MRFAP1: variants seen among roughly 807,000 people sequenced by gnomAD.
The protein encoded by MRFAP1 is MORF4 family-associated protein 1.
MRFAP1 carries 1 observed loss-of-function variant against 9.3 expected under a neutral mutation model. The observed-to-expected ratio is 0.11, with a 90% confidence interval of 0.04 to 0.51. MRFAP1 has a LOEUF of 0.51. Ranked by LOEUF, MRFAP1 falls within the 20% of genes least tolerant of loss-of-function variation. The pLI is 0.94. For missense variants in MRFAP1, 180 were observed against 178.6 expected (o/e 1.01, Z -0.04); for synonymous variants, 101 against 80.3 (o/e 1.26, Z -1.38).
At position 6,640,715 on chromosome 4, in the gene MRFAP1, C is replaced by G. The variant is rs545715180; in HGVS notation, c.-148C>G. On this transcript the variant is annotated 5_prime_UTR_variant, in exon 1 of 2. Transcript: ENST00000382581. ...GTTCGCCGTTACTCTGCGCGTAAGT[C>G]GCTTGTCCGTGGCTTCTCTGAGAAG... The G allele has an allele frequency of 9.7e-5, 101 of 1,043,742 alleles. No homozygotes were observed. Among genetic ancestry groups the G allele is most frequent in the African/African-American group, 5.7e-4 (36 of 62,732 alleles). The allele number at this position is 1,043,742 out of a possible 1,614,324, so 64.7% of individuals were successfully genotyped here.
At position 6,641,724 on chromosome 4, in the gene MRFAP1, CT is replaced by C. The variant is rs910451379; in HGVS notation, c.*13-3del. On this transcript the variant is annotated splice_polypyrimidine_tract_variant and splice_region_variant and intron_variant, in intron 1 of 1. Transcript: ENST00000382581. The stretch of plus-strand genomic sequence containing the variant: ...CGATGATGAATTTCTTCCCATTGTG[CT>C]TTAGGTTTCCAGCCAATGGATTCTG... The C allele has an allele frequency of 1.2e-4, 18 of 154,754 alleles. No homozygotes were observed. The highest frequency in any genetic ancestry group is 9.8e-4 in the Admixed American group (15 of 15,348). The allele number at this position is 154,754 out of a possible 1,614,324, so 9.6% of individuals were successfully genotyped here.
At chr4:6,641,471 T>C in intron 1 of MRFAP1, 1 of 569,784 alleles carries the variant, frequency 1.8e-6, no homozygotes, top group Non-Finnish European at 3.0e-6. Flanking sequence ...GCGTGATGCG[T>C]GTTCAGTGGA....
At position 6,640,792 on chromosome 4, in the gene MRFAP1, T is replaced by C; in HGVS notation, c.-71T>C. 3.3e-6 allele frequency: 5 copies of C among 1,526,418 alleles called. No individual in the cohort carries two copies. The highest frequency in any genetic ancestry group is 3.5e-6 in the Non-Finnish European group (4 of 1,128,426). The allele number at this position is 1,526,418 out of a possible 1,614,324, so 94.6% of individuals were successfully genotyped here. On this transcript the variant is annotated 5_prime_UTR_variant, in exon 1 of 2. Coordinates refer to ENST00000382581, the MANE Select transcript of MRFAP1 (RefSeq NM_033296.3). ...CAGGAATATTCGGGCTCTCTATTGC[T>C]AAGCATAGCGAGTGTCGGTTTTCTC...
chr4:6,641,331 G>A, intron 1 of MRFAP1, 73 bp downstream of exon 1: 1 of 1,500,976 alleles, frequency 6.7e-7, no homozygotes, highest in Non-Finnish European at 8.9e-7. Context: ...TGATTTCATC[G>A]AGATGCACCG....
Position 6,641,078 on chromosome 4 carries a change from G to A in MRFAP1, c.216G>A (p.Glu72=). The change falls in exon 1 of 2, where the codon GAG becomes GAA. Residue 72 remains glutamate, a synonymous_variant. Transcript: ENST00000382581. ...TCATCCAGATCAAAACGCAGGTGGA[G>A]GCCTCGGAGGAGAGCGCCCTCAACC... ...NMLIQIKTQV[E]ASEESALNHL... 1 of 1,614,196 alleles carries A rather than the reference G, an allele frequency of 6.2e-7. No homozygotes were observed. Among genetic ancestry groups the A allele is most frequent in the Non-Finnish European group, 8.5e-7 (1 of 1,179,978 alleles).
intron 1 of MRFAP1, 155 bp downstream of exon 1, chr4:6,641,413 T>C: frequency 1.0e-6 from 1 of 1,004,074 alleles, no homozygotes. Flanking sequence ...CTTCGTGTTT[T>C]GTTTTTTGAC....
At position 6,640,802 on chromosome 4, in the gene MRFAP1, G is replaced by T; in HGVS notation, c.-61G>T. On this transcript the variant is annotated 5_prime_UTR_variant, in exon 1 of 2. Coordinates refer to ENST00000382581, the MANE Select transcript of MRFAP1 (RefSeq NM_033296.3). ...CGGGCTCTCTATTGCTAAGCATAGC[G>T]AGTGTCGGTTTTCTCTCTCCAACAG... The T allele has an allele frequency of 8.4e-6, 13 of 1,543,246 alleles. No individual in the cohort carries two copies. The highest frequency in any genetic ancestry group is 1.1e-5 in the Non-Finnish European group (13 of 1,137,830).
chr4:6,640,836 A>G lies in MRFAP1; in HGVS notation c.-27A>G, dbSNP rs370991657. The G allele has an allele frequency of 1.3e-5, 21 of 1,587,140 alleles. No individual in the cohort carries two copies. The highest frequency in any genetic ancestry group is 6.7e-5 in the African/African-American group (5 of 74,616). On this transcript the variant is annotated 5_prime_UTR_variant, in exon 1 of 2. Transcript: ENST00000382581. The stretch of plus-strand genomic sequence containing the variant: ...TTTTCTCTCTCCAACAGACATCGCT[A>G]TTGCGGTTCCGAGGCAGTGGGAAGA...
rs1712879897 is a variant in MRFAP1, at chr4:6,642,538, G to C, written c.*821G>C. 1 of 152,688 alleles carries C rather than the reference G, an allele frequency of 6.5e-6. No individual in the cohort carries two copies. Among genetic ancestry groups the C allele is most frequent in the African/African-American group, 2.4e-5 (1 of 41,466 alleles). The allele number at this position is 152,688 out of a possible 1,614,324, so 9.5% of individuals were successfully genotyped here. A position where few individuals can be genotyped will look rare whatever the true frequency, so the allele number is the denominator to read the frequency against. On this transcript the variant is annotated 3_prime_UTR_variant, in exon 2 of 2. Transcript: ENST00000382581. ...ATTGGCAAAGGCCCTTGAGGGGCTT[G>C]GGGATGACAGTATGGAACTGTCTGC...
chr4:6,641,498 G>A, intron 1 of MRFAP1: 1 of 464,114 alleles, frequency 2.2e-6, no homozygotes, highest in East Asian at 3.5e-5. Flanking sequence ...ATAAATCTCA[G>A]AGTCGCCAAG....
chr4:6,640,840 C>T lies in MRFAP1; in HGVS notation c.-23C>T, dbSNP rs1712786227. 1 of 1,588,230 alleles carries T rather than the reference C, an allele frequency of 6.3e-7. No homozygotes were observed. ...CTCTCTCCAACAGACATCGCTATTG[C>T]GGTTCCGAGGCAGTGGGAAGAGATG... On this transcript the variant is annotated 5_prime_UTR_variant, in exon 1 of 2. Transcript: ENST00000382581.
At position 6,642,679 on chromosome 4, in the gene MRFAP1, AAAAC is replaced by A. The variant is rs575113251; in HGVS notation, c.*970_*973del. 1.6e-4 allele frequency: 25 copies of A among 152,444 alleles called. No homozygotes were observed. The highest frequency in any genetic ancestry group is 3.4e-4 in the African/African-American group (14 of 41,582). 9.4% of individuals were successfully genotyped at this position (152,444 alleles called of 1,614,324 possible). Reference sequence around the variant, plus strand: ...TTTGAGGTCAGAACCCTACCATGTTAAAACAAACAAAAACTTACCATGTTAATAA... The same window carrying A: ...TTTGAGGTCAGAACCCTACCATGTTAAAACAAAAACTTACCATGTTAATAA... On this transcript the variant is annotated 3_prime_UTR_variant, in exon 2 of 2. Transcript: ENST00000382581.
At position 6,641,812 on chromosome 4, in the gene MRFAP1, C is replaced by G. The variant is rs1712847522; in HGVS notation, c.*95C>G. ...CCGAAACCAGAGAGCCTTTTGTTTT[C>G]TCTTTTTTCCTGTCTATGCTCTGTC... On this transcript the variant is annotated 3_prime_UTR_variant, in exon 2 of 2. Transcript: ENST00000382581. 6.5e-6 allele frequency: 1 copy of G among 152,942 alleles called. No individual in the cohort carries two copies. Among genetic ancestry groups the G allele is most frequent in the African/African-American group, 2.4e-5 (1 of 41,442 alleles). 9.5% of individuals were successfully genotyped at this position (152,942 alleles called of 1,614,324 possible). A position where few individuals can be genotyped will look rare whatever the true frequency, so the allele number is the denominator to read the frequency against.
chr4:6,641,492 A>G lies in MRFAP1; in HGVS notation c.*12+234A>G. On this transcript the variant is annotated intron_variant, in intron 1 of 1. Coordinates refer to ENST00000382581, the MANE Select transcript of MRFAP1 (RefSeq NM_033296.3). Reference sequence around the variant, plus strand: ...TGCGTGTTCAGTGGAAGGGTCATAAATCTCAGAGTCGCCAAGGAAACAGAA... The same window carrying G: ...TGCGTGTTCAGTGGAAGGGTCATAAGTCTCAGAGTCGCCAAGGAAACAGAA... The G allele has an allele frequency of 6.3e-6, 3 of 476,890 alleles. No individual in the cohort carries two copies. In the South Asian group the frequency reaches 1.2e-4, roughly 19 times the overall value. The allele number at this position is 476,890 out of a possible 1,614,324, so 29.5% of individuals were successfully genotyped here.
Position 6,641,099 on chromosome 4 carries a change from C to T in MRFAP1, c.237C>T (p.Leu79=), listed in dbSNP as rs1712803640. 6.2e-7 allele frequency: 1 copy of T among 1,614,100 alleles called. No homozygotes were observed. The highest frequency in any genetic ancestry group is 1.7e-5 in the Admixed American group (1 of 60,012). Residue 79 remains leucine (L), a synonymous_variant, in exon 1 of 2, where the codon CTC becomes CTT. Coordinates refer to ENST00000382581, the MANE Select transcript of MRFAP1 (RefSeq NM_033296.3). ...TQVEASEESA[L]NHLQNPGDAA... is the part of the protein sequence containing the mutation. ...TGGAGGCCTCGGAGGAGAGCGCCCT[C>T]AACCACCTCCAGAACCCGGGCGACG... is the stretch of plus-strand genomic sequence containing the variant.
In MRFAP1 at chr4:6,642,335, C is replaced by G. The variant is rs1382399378; in HGVS notation, c.*618C>G. 2.0e-5 allele frequency: 3 copies of G among 152,760 alleles called. No homozygotes were observed. In the East Asian group the frequency reaches 5.8e-4, roughly 29 times the overall value. 9.5% of individuals were successfully genotyped at this position (152,760 alleles called of 1,614,324 possible). ...CAAAGGAGGAGAGATGTGTTTTGTT[C>G]AAAATTTAAATTTGTTGTGGTACAC... is the stretch of plus-strand genomic sequence containing the variant. On this transcript the variant is annotated 3_prime_UTR_variant, in exon 2 of 2. Transcript: ENST00000382581.
chr4:6,641,553 T>C, intron 1 of MRFAP1, 177 bp from the exon 2 acceptor site: 1 of 334,610 alleles, frequency 3.0e-6, no homozygotes, highest in African/African-American at 2.2e-5. Flanking sequence ...CAAGCGGGGG[T>C]GGAAATAGAG....
Position 6,641,026 on chromosome 4 carries a change from G to A in MRFAP1, c.164G>A (p.Ser55Asn). Residue 55 changes from serine (S) to asparagine (N), a missense_variant, in exon 1 of 2, where the codon AGC (serine) becomes AAC (asparagine). Physicochemically the swap from Ser to Asn is conservative, Grantham distance 46 (BLOSUM62 1). Transcript: ENST00000382581. ...GGGCGGGCGTACCTGCGGAACCGGA[G>A]CAAGCTGTGGGAGATGGACAATATG... ...EHGRAYLRNR[S>N]KLWEMDNMLI... The A allele has an allele frequency of 6.2e-7, 1 of 1,614,258 alleles. No individual in the cohort carries two copies. Among genetic ancestry groups the A allele is most frequent in the Non-Finnish European group, 8.5e-7 (1 of 1,180,034 alleles).
Position 6,641,166 on chromosome 4 carries a change from G to C in MRFAP1, c.304G>C (p.Glu102Gln). ...RAAKRCEKAE[E>Q]KAKEIAKMAE... ...GGCCAAGAGGTGCGAGAAGGCCGAGGAGAAGGCCAAGGAGATTGCGAAGAT... is the reference window on the plus strand; with the variant it reads ...GGCCAAGAGGTGCGAGAAGGCCGAGCAGAAGGCCAAGGAGATTGCGAAGAT... Residue 102 changes from glutamate to glutamine, a missense_variant, in exon 1 of 2, where the codon GAG becomes CAG. Physicochemically the swap from Glu to Gln is conservative, Grantham distance 29 (BLOSUM62 2). Coordinates refer to ENST00000382581, the MANE Select transcript of MRFAP1 (RefSeq NM_033296.3). 6.2e-7 allele frequency: 1 copy of C among 1,614,094 alleles called. No individual in the cohort carries two copies. The highest frequency in any genetic ancestry group is 8.5e-7 in the Non-Finnish European group (1 of 1,179,994).
Sources: allele counts gnomAD v4.1 joint callset, GRCh38; gene constraint gnomAD v4.1.1; transcripts MANE v1.5; gene names NCBI Gene and HGNC (gene_info 2026-07-23, HGNC 2026-07-21).